The following CTNND2 variants were observed in gnomAD, a reference collection of about 807,000 sequenced individuals.
The protein encoded by CTNND2 is catenin delta-2.
A neutral mutation model predicts 144.4 loss-of-function variants in CTNND2; 22 were observed. The ratio of observed to expected loss-of-function variants is 0.15; its 90% CI spans 0.11 to 0.22. The LOEUF is 0.22. CTNND2 is among the 10% of genes least tolerant of loss of function. The pLI is 1.00. For missense variants in CTNND2, 1,353 were observed against 1,618.8 expected, an observed-to-expected ratio of 0.84 and a Z score of 2.82; for synonymous variants, 751 against 695.6, an observed-to-expected ratio of 1.08 and a Z score of -1.25.
chr5:11,700,105 TG>T (rs1785356561), intron 2 of CTNND2, among the ~76,000 whole-genome samples: 1 of 152,174 alleles, frequency 6.6e-6, no homozygotes, highest in South Asian at 2.1e-4. Flanking sequence ...TTTAATCACT[TG>T]GCCAGGCACA....
chr5:11,794,889 G>A (rs745470708), intron 1 of CTNND2, among the ~76,000 whole-genome samples: 8 of 152,112 alleles, frequency 5.3e-5, no homozygotes, highest in South Asian at 2.1e-4. Context: ...TTTATGATTC[G>A]TAGGCTCAAC....
chr5:11,254,302 G>T (rs2149939337), intron 9 of CTNND2, among the ~76,000 whole-genome samples: 1 of 152,266 alleles, frequency 6.6e-6, no homozygotes, highest in Admixed American at 6.5e-5. Flanking sequence ...CATACCCTCT[G>T]CTCAATGCAT....
intron 6 of CTNND2, among the ~76,000 whole-genome samples, chr5:11,388,810 C>A (rs1759339472): frequency 6.6e-6 from 1 of 152,212 alleles, no homozygotes; most frequent in Non-Finnish European, 1.5e-5. Flanking sequence ...CACATTCCAA[C>A]ACATACAGAA....
intron 9 of CTNND2, among the ~76,000 whole-genome samples, chr5:11,246,684 T>C (rs970312299): frequency 1.7e-5 from 2 of 117,066 alleles, no homozygotes; most frequent in African/African-American, 6.8e-5. Context: ...TAAAGCCAAG[T>C]AGAGACAGGG....
At chr5:11,497,289 G>C (rs1329663549) in intron 3 of CTNND2, among the ~76,000 whole-genome samples, 1 of 151,514 alleles carries the variant, frequency 6.6e-6, no homozygotes, top group African/African-American at 2.4e-5. Context: ...TGTCACTTCT[G>C]AGTCAATAAT....
chr5:11,263,239 A>G (rs1745096380), intron 9 of CTNND2, among the ~76,000 whole-genome samples: 2 of 152,234 alleles, frequency 1.3e-5, no homozygotes. Flanking sequence ...ACCTTTCAAG[A>G]TAACTAAAAA....
chr5:11,713,780 G>A (rs1044524529), intron 2 of CTNND2, among the ~76,000 whole-genome samples: 2 of 152,044 alleles, frequency 1.3e-5, no homozygotes, highest in African/African-American at 2.4e-5. Flanking sequence ...AAATTTCTTA[G>A]GGTACAAATT....
intron 11 of CTNND2, among the ~76,000 whole-genome samples, chr5:11,195,974 A>G (rs1580553952): frequency 1.3e-5 from 2 of 152,376 alleles, no homozygotes; most frequent in African/African-American, 4.8e-5. Context: ...CATAGCAGGC[A>G]GCAAAATATA....
intron 9 of CTNND2, among the ~76,000 whole-genome samples, chr5:11,264,078 T>C (rs1363528284): frequency 1.3e-5 from 2 of 152,246 alleles, no homozygotes; most frequent in South Asian, 2.1e-4. Context: ...TCTTTATTCT[T>C]AGTTCTGGCC....
intron 3 of CTNND2, among the ~76,000 whole-genome samples, chr5:11,422,352 G>C (rs1561369260): frequency 6.6e-6 from 1 of 152,124 alleles, no homozygotes. Context: ...CACCATTCTT[G>C]CCATAGTAAA....
At chr5:11,585,859 G>A (rs1489745528) in intron 2 of CTNND2, among the ~76,000 whole-genome samples, 1 of 152,104 alleles carries the variant, frequency 6.6e-6, no homozygotes, top group Admixed American at 6.5e-5. Flanking sequence ...GAGAAAGGAG[G>A]GGCTAGGACG....
chr5:11,577,188 T>C (rs147172286), intron 2 of CTNND2, among the ~76,000 whole-genome samples: 102 of 152,304 alleles, frequency 6.7e-4, no homozygotes, highest in Middle Eastern at 3.4e-3. Flanking sequence ...TTATCACATA[T>C]TAGGTATCAA....
At position 11,411,744 on chromosome 5, in the gene CTNND2, T is replaced by C. The variant is rs1056548786; in HGVS notation, c.323-92A>G. ...CATTTAATCATGGAAAATATCCTAG[T>C]CAAATATATTACCTCTATGAAGTTT... On this transcript the variant is annotated intron_variant, in intron 4 of 21. Coordinates refer to ENST00000304623, the MANE Select transcript of CTNND2 (RefSeq NM_001332.4). The C allele has an allele frequency of 3.5e-5, 29 of 834,770 alleles. No individual in the cohort carries two copies. The South Asian group carries it at 4.6e-4, about 13-fold the overall frequency. The allele number at this position is 834,770 out of a possible 1,614,324, so 51.7% of individuals were successfully genotyped here.
chr5:11,842,275 G>A (rs1794511442), intron 1 of CTNND2, among the ~76,000 whole-genome samples: 1 of 152,124 alleles, frequency 6.6e-6, no homozygotes, highest in African/African-American at 2.4e-5. Flanking sequence ...GAACAAAGAT[G>A]CACACTGACA....
At chr5:11,048,005 G>T (rs551544106) in intron 16 of CTNND2, among the ~76,000 whole-genome samples, 1 of 152,078 alleles carries the variant, frequency 6.6e-6, no homozygotes, top group Admixed American at 6.5e-5. Context: ...TTCCTAAATC[G>T]CTCCTCCCAA....
intron 1 of CTNND2, among the ~76,000 whole-genome samples, chr5:11,828,400 G>A (rs1793713198): frequency 6.6e-6 from 1 of 152,068 alleles, no homozygotes; most frequent in African/African-American, 2.4e-5. Context: ...CATGGTGGGA[G>A]GCACCTGTAA....
chr5:11,055,354 C>A (rs1746249850), intron 16 of CTNND2, among the ~76,000 whole-genome samples: 1 of 152,180 alleles, frequency 6.6e-6, no homozygotes, highest in Non-Finnish European at 1.5e-5. Context: ...AGGCTCCAGC[C>A]AAGAAGGAGA....
intron 6 of CTNND2, among the ~76,000 whole-genome samples, chr5:11,387,379 GC>G: frequency 6.6e-6 from 1 of 152,226 alleles, no homozygotes; most frequent in South Asian, 2.1e-4. Context: ...GTCAAAGTTT[GC>G]CAACACTGCT....
At chr5:11,151,378 A>T (rs1242326628) in intron 12 of CTNND2, among the ~76,000 whole-genome samples, 1 of 152,248 alleles carries the variant, frequency 6.6e-6, no homozygotes, top group East Asian at 1.9e-4. Context: ...TGAAGGATTT[A>T]AAGAATGAAC....
Sources: allele counts gnomAD v4.1 joint callset (sites outside exome capture counted in the v4.1 genomes callset), GRCh38; gene constraint gnomAD v4.1.1; transcripts MANE v1.5; gene names NCBI Gene and HGNC (gene_info 2026-07-23, HGNC 2026-07-21).